The following PREX1 variants were observed in gnomAD, a reference collection of about 807,000 sequenced individuals.
PREX1 encodes the protein phosphatidylinositol 3,4,5-trisphosphate-dependent Rac exchanger 1 protein.
Under a neutral mutation model 198.3 loss-of-function variants are expected in PREX1, and 41 were observed. The observed-to-expected ratio is 0.21, with a 90% CI of 0.16 to 0.27. The LOEUF (loss-of-function observed/expected upper bound fraction) is 0.27, where lower values mean the gene tolerates loss of function less well. Ranked by LOEUF, PREX1 falls within the 10% of genes least tolerant of loss-of-function variation. The pLI is 1.00. For synonymous variants in PREX1, 843 were observed against 887.2 expected (o/e 0.95, Z 0.89); for missense variants, 1,620 against 2,200.7 (o/e 0.74, Z 5.28).
At chr20:48,732,032 C>T (rs771456464) in intron 4 of PREX1, among the ~76,000 whole-genome samples, 2 of 152,220 alleles carry the variant, frequency 1.3e-5, no homozygotes, top group Non-Finnish European at 2.9e-5. Context: ...GTGGTGCTGC[C>T]TGCAAGCCAA....
chr20:48,869,461 G>C, the PREX1 span, among the ~76,000 whole-genome samples: 1 of 151,970 alleles, frequency 6.6e-6, no homozygotes, highest in Admixed American at 6.6e-5. Context: ...ACCTTGACTG[G>C]TTGGATGACC....
intron 15 of PREX1, among the ~76,000 whole-genome samples, chr20:48,661,393 T>C (rs1372636784): frequency 1.1e-5 from 1 of 89,226 alleles, no homozygotes; most frequent in Non-Finnish European, 2.0e-5. Flanking sequence ...CACTCCAGCA[T>C]GGGCAACAAG....
intron 1 of PREX1, among the ~76,000 whole-genome samples, chr20:48,792,777 A>C (rs1489453768): frequency 4.7e-5 from 7 of 148,314 alleles, no homozygotes; most frequent in Non-Finnish European, 7.4e-5. Flanking sequence ...TCTGACACAT[A>C]TTACAATGTG....
chr20:48,849,357 T>C, the PREX1 span: 2 of 152,218 alleles, frequency 1.3e-5, no homozygotes, highest in Non-Finnish European at 2.9e-5. Context: ...GTGTCTTCTA[T>C]GGATATATAT....
intron 1 of PREX1, among the ~76,000 whole-genome samples, chr20:48,815,643 G>C (rs1489969687): frequency 6.6e-6 from 1 of 152,182 alleles, no homozygotes; most frequent in East Asian, 1.9e-4. Context: ...CTAGGTAACG[G>C]GGGTACCAGG....
the PREX1 span, among the ~76,000 whole-genome samples, chr20:48,857,921 G>A: frequency 6.6e-6 from 1 of 152,368 alleles, no homozygotes; most frequent in East Asian, 1.9e-4. Flanking sequence ...TCTGGGCCAA[G>A]GGGTGGCAAA....
chr20:48,649,700 C>G, intron 24 of PREX1, 124 bp from the exon 25 acceptor site: 2 of 1,187,700 alleles, frequency 1.7e-6, no homozygotes, highest in Non-Finnish European at 2.3e-6. Flanking sequence ...CTTCTAAATA[C>G]TCTTAATTCA....
At chr20:48,846,786 G>A in the PREX1 span, among the ~76,000 whole-genome samples, 1 of 152,118 alleles carries the variant, frequency 6.6e-6, no homozygotes, top group African/African-American at 2.4e-5. Flanking sequence ...GCTCCCTCGG[G>A]GACCAGAGGG....
intron 6 of PREX1, among the ~76,000 whole-genome samples, chr20:48,707,004 C>T (rs1452094977): frequency 6.6e-6 from 1 of 152,172 alleles, no homozygotes; most frequent in African/African-American, 2.4e-5. Context: ...ATCAAGGATT[C>T]AGTAGTTGTT....
chr20:48,813,787 T>C (rs1300596218), intron 1 of PREX1, among the ~76,000 whole-genome samples: 3 of 152,214 alleles, frequency 2.0e-5, no homozygotes, highest in Non-Finnish European at 4.4e-5. Context: ...TAGACTGCCA[T>C]ATGTGTGTAG....
chr20:48,687,853 T>A (rs938924721), intron 10 of PREX1, among the ~76,000 whole-genome samples: 1 of 152,160 alleles, frequency 6.6e-6, no homozygotes, highest in Non-Finnish European at 1.5e-5. Context: ...CCCTTTGAAC[T>A]CCAGTTATAA....
At position 48,644,496 on chromosome 20, in the gene PREX1, C is replaced by T. The variant is rs755607721; in HGVS notation, c.3514G>A (p.Glu1172Lys). The change falls in exon 27 of 40, where the codon GAG becomes AAG. Residue 1172 changes from glutamate (E) to lysine (K), a missense_variant and splice_region_variant. This residue lies in a region of PREX1 where 29 missense variants were observed against 26.1 expected (regional missense o/e 1.11). Transcript: ENST00000371941. ...DTMSYRDSYS[E>K]CNSNRDSVLS... ...ACCGAGTCTCGATTGCTGTTACACTCGCTGCAAAGGGGCCCAGAGAAGGGG... is the reference window on the plus strand; with the variant it reads ...ACCGAGTCTCGATTGCTGTTACACTTGCTGCAAAGGGGCCCAGAGAAGGGG... The T allele has an allele frequency of 1.9e-6, 3 of 1,613,032 alleles. No homozygotes were observed. The highest frequency in any genetic ancestry group is 2.5e-6 in the Non-Finnish European group (3 of 1,179,426).
At chr20:48,795,369 T>C (rs774030028) in intron 1 of PREX1, among the ~76,000 whole-genome samples, 12 of 152,178 alleles carry the variant, frequency 7.9e-5, no homozygotes, top group Non-Finnish European at 1.3e-4. Flanking sequence ...CAGCACTGCT[T>C]AGTACAGACC....
At chr20:48,863,545 A>C in the PREX1 span, among the ~76,000 whole-genome samples, 1 of 132,396 alleles carries the variant, frequency 7.6e-6, no homozygotes. Flanking sequence ...CCAGAATGTC[A>C]TATAGTTGGA....
chr20:48,704,690 G>A (rs1202121326), intron 6 of PREX1, among the ~76,000 whole-genome samples: 1 of 152,020 alleles, frequency 6.6e-6, no homozygotes, highest in Non-Finnish European at 1.5e-5. Flanking sequence ...CGAGTAACTG[G>A]GATTACAGGC....
At chr20:48,844,858 G>A in the PREX1 span, among the ~76,000 whole-genome samples, 1 of 152,176 alleles carries the variant, frequency 6.6e-6, no homozygotes, top group Admixed American at 6.5e-5. Context: ...TATACTGCTT[G>A]TATGGTAAAA....
At chr20:48,881,248 C>T in the PREX1 span, among the ~76,000 whole-genome samples, 1 of 151,942 alleles carries the variant, frequency 6.6e-6, no homozygotes, top group East Asian at 1.9e-4. Flanking sequence ...TATATGTTTC[C>T]CTTTACTGTG....
rs199786272 is a variant in PREX1 at position 48,630,718 on chromosome 20, G to A, written c.4593+10C>T. ...CAAGCTCCCTGCAGCAGGAGGGCAC[G>A]TGGACATACCTGGTCTATCTTTACC... On this transcript the variant is annotated intron_variant, in intron 36 of 39. Transcript: ENST00000371941. 342 of 1,578,400 alleles carry A rather than the reference G, an allele frequency of 2.2e-4. No individual in the cohort carries two copies. In the African/African-American group the frequency reaches 2.9e-3, roughly 13 times the overall value.
chr20:48,638,100 TACAC>T (rs201276665), intron 30 of PREX1, among the ~76,000 whole-genome samples: 78 of 151,934 alleles, frequency 5.1e-4, no homozygotes, highest in Non-Finnish European at 6.9e-4. Flanking sequence ...CACGTATCCA[TACAC>T]ACACACACTC....
Sources: allele counts gnomAD v4.1 joint callset (sites outside exome capture counted in the v4.1 genomes callset), GRCh38; gene constraint gnomAD v4.1.1; regional missense constraint gnomAD v4.1.1; transcripts MANE v1.5; gene names NCBI Gene and HGNC (gene_info 2026-07-23, HGNC 2026-07-21).